Variants in BRWD1 observed in about 807,000 individuals in gnomAD.
BRWD1 encodes bromodomain and WD repeat domain containing 1, also known as bromodomain and WD repeat-containing protein 1.
A neutral mutation model predicts 251.2 loss-of-function variants in BRWD1; 82 were observed. The ratio of observed to expected loss-of-function variants is 0.33; its 90% confidence interval spans 0.27 to 0.39. BRWD1 has a LOEUF of 0.39. Ranked by LOEUF, BRWD1 falls within the 10% of genes least tolerant of loss-of-function variation. The pLI, the probability that BRWD1 is intolerant of heterozygous loss-of-function variation, is 1.00. For missense variants in BRWD1, 2,233 were observed against 2,711.6 expected (o/e 0.82, Z 3.92); for synonymous variants, 918 against 902.8 (o/e 1.02, Z -0.30).
At chr21:39,242,884 T>C (rs1000017157) in intron 21 of BRWD1, among the ~76,000 whole-genome samples, 3 of 152,242 alleles carry the variant, frequency 2.0e-5, no homozygotes, top group African/African-American at 7.2e-5. Context: ...AAGCCCACTG[T>C]TCAGACCTAC....
chr21:39,309,539 G>A (rs2036399148), intron 4 of BRWD1, among the ~76,000 whole-genome samples: 1 of 151,948 alleles, frequency 6.6e-6, no homozygotes, highest in African/African-American at 2.4e-5. Flanking sequence ...AAGACACCCA[G>A]GGAGGCCGGG....
At chr21:39,301,984 T>TC (rs1474820620) in intron 4 of BRWD1, among the ~76,000 whole-genome samples, 1 of 136,304 alleles carries the variant, frequency 7.3e-6, no homozygotes, top group Non-Finnish European at 1.6e-5. Flanking sequence ...GTGTGTTTTT[T>TC]TTTTTTTTTT....
upstream of BRWD1, chr21:39,314,236 C>G (rs1351687009): frequency 2.2e-6 from 1 of 455,636 alleles, no homozygotes; most frequent in Non-Finnish European, 4.4e-6. Context: ...GGGCGGGGGC[C>G]TCGTATGCTG....
rs796567479 is a variant in BRWD1, at chr21:39,186,117, A to T, written c.*10142T>A. ...AATTTTTAAGGTGCTGTAGAGAAACATAAAAGATTTCACTGTATCTAAAAA... is the reference window on the plus strand; with the variant it reads ...AATTTTTAAGGTGCTGTAGAGAAACTTAAAAGATTTCACTGTATCTAAAAA... On this transcript the variant is annotated 3_prime_UTR_variant, in exon 41 of 41. Transcript: ENST00000342449. The T allele has an allele frequency of 3.3e-4, 50 of 152,316 alleles. No individual in the cohort carries two copies. Among genetic ancestry groups the T allele is most frequent in the African/African-American group, 1.2e-3 (50 of 41,576 alleles). 9.4% of individuals were successfully genotyped at this position (152,316 alleles called of 1,614,324 possible).
intron 5 of BRWD1, chr21:39,297,864 A>AG: frequency 1.0e-6 from 1 of 979,960 alleles, no homozygotes; most frequent in Non-Finnish European, 1.2e-6. Context: ...ACATATACTT[A>AG]GTCTAAGTCA....
Position 39,194,935 on chromosome 21 carries a change from A to T in BRWD1, c.*1324T>A. The stretch of plus-strand genomic sequence containing the variant: ...GGGTACTGTAACATATCCCTTACCC[A>T]CTAAATATGTAAACCATTTGAATCA... On this transcript the variant is annotated 3_prime_UTR_variant, in exon 41 of 41. Coordinates refer to ENST00000342449, the MANE Select transcript of BRWD1 (RefSeq NM_033656.4). The T allele has an allele frequency of 3.4e-6, 5 of 1,480,140 alleles. No homozygotes were observed. The highest frequency in any genetic ancestry group is 4.5e-6 in the Non-Finnish European group (5 of 1,121,346). 91.7% of individuals were successfully genotyped at this position (1,480,140 alleles called of 1,614,324 possible).
Position 39,285,182 on chromosome 21 carries a change from T to C in BRWD1, c.832-4934A>G, listed in dbSNP as rs577765703. Among the ~76,000 whole-genome samples, 218 of 152,286 alleles carry C rather than the reference T, an allele frequency of 1.4e-3. 2 individuals are homozygous for C. Among genetic ancestry groups the C allele is most frequent in the Non-Finnish European group, 2.3e-3 (158 of 68,016 alleles). Reference sequence around the variant, plus strand: ...TATTCTTCCGTCGTTTGTGGTAATATGGATGAACCTAAAGGCCATTATGTT... The same window carrying C: ...TATTCTTCCGTCGTTTGTGGTAATACGGATGAACCTAAAGGCCATTATGTT... On this transcript the variant is annotated intron_variant, in intron 8 of 40. Coordinates refer to ENST00000342449, the MANE Select transcript of BRWD1 (RefSeq NM_033656.4).
chr21:39,313,410 C>T, intron 1 of BRWD1, 33 bp downstream of exon 1: 2 of 1,455,006 alleles, frequency 1.4e-6, no homozygotes, highest in Non-Finnish European at 1.8e-6. Context: ...GCCGGGAGCG[C>T]CAGGGCGGGG....
chr21:39,184,845 G>T (rs936905949), downstream of BRWD1: 9 of 152,072 alleles, frequency 5.9e-5, no homozygotes, highest in African/African-American at 2.2e-4. Context: ...AGGACTCCTG[G>T]GTTAACTGGT....
intron 1 of BRWD1, among the ~76,000 whole-genome samples, chr21:39,320,695 G>C (rs1601532923): frequency 8.5e-6 from 1 of 117,628 alleles, no homozygotes; most frequent in East Asian, 2.5e-4. Flanking sequence ...TTTTGAGACA[G>C]AATCTTGCTC....
chr21:39,251,668 C>T (rs1249863689), intron 19 of BRWD1, among the ~76,000 whole-genome samples: 1 of 152,172 alleles, frequency 6.6e-6, no homozygotes, highest in Non-Finnish European at 1.5e-5. Context: ...TACAGTAGAA[C>T]ATTATTTTAT....
At chr21:39,283,256 T>A (rs1029102697) in intron 8 of BRWD1, among the ~76,000 whole-genome samples, 1 of 152,140 alleles carries the variant, frequency 6.6e-6, no homozygotes, top group Non-Finnish European at 1.5e-5. Flanking sequence ...AACAAAATCA[T>A]TGGAATTTCA....
chr21:39,247,151 T>C (rs1460110492), intron 21 of BRWD1, among the ~76,000 whole-genome samples: 3 of 151,484 alleles, frequency 2.0e-5, no homozygotes, highest in Admixed American at 6.6e-5. Context: ...GTATCAGTGA[T>C]TGTGAGGGGC....
chr21:39,239,339 A>C (rs2033914613), intron 21 of BRWD1, among the ~76,000 whole-genome samples: 1 of 152,116 alleles, frequency 6.6e-6, no homozygotes, highest in Non-Finnish European at 1.5e-5. Flanking sequence ...CATTAAGCTT[A>C]TGATTCATTT....
intron 30 of BRWD1, 65 bp downstream of exon 30, chr21:39,218,440 T>G (rs918237539): frequency 2.7e-6 from 4 of 1,476,688 alleles, no homozygotes; most frequent in East Asian, 2.3e-5. Context: ...ATGCTAGTAT[T>G]TTTAAATACC....
intron 8 of BRWD1, among the ~76,000 whole-genome samples, chr21:39,286,690 A>G (rs1045611729): frequency 5.9e-5 from 9 of 151,506 alleles, no homozygotes; most frequent in Non-Finnish European, 8.8e-5. Context: ...AATTTTTTGT[A>G]TTTTTAATAC....
At chr21:39,200,071 GC>G in intron 39 of BRWD1, 147 bp downstream of exon 39, 3 of 830,108 alleles carry the variant, frequency 3.6e-6, no homozygotes, top group Non-Finnish European at 5.3e-6. Context: ...ACTTTTTAAT[GC>G]CAAAATTCAT....
intron 36 of BRWD1, 33 bp downstream of exon 36, chr21:39,209,962 C>G: frequency 6.3e-7 from 1 of 1,598,100 alleles, no homozygotes; most frequent in African/African-American, 1.3e-5. Flanking sequence ...ACAGATCAGG[C>G]AGTTTTTTTC....
chr21:39,190,862 T>C lies in BRWD1; in HGVS notation c.*5397A>G, dbSNP rs961115802. The C allele has an allele frequency of 2.3e-5, 23 of 985,244 alleles. No homozygotes were observed. Among genetic ancestry groups the C allele is most frequent in the Non-Finnish European group, 2.5e-5 (21 of 829,894 alleles). The allele number at this position is 985,244 out of a possible 1,614,324, so 61.0% of individuals were successfully genotyped here. On this transcript the variant is annotated 3_prime_UTR_variant, in exon 41 of 41. Transcript: ENST00000342449. Reference sequence around the variant, plus strand: ...ATGAACTAGTTCATTAGCTTATTCATTTTTAGGGTTCATTTACTCAATGAT... The same window carrying C: ...ATGAACTAGTTCATTAGCTTATTCACTTTTAGGGTTCATTTACTCAATGAT...
Sources: allele counts gnomAD v4.1 joint callset (sites outside exome capture counted in the v4.1 genomes callset), GRCh38; gene constraint gnomAD v4.1.1; transcripts MANE v1.5; gene names NCBI Gene and HGNC (gene_info 2026-07-23, HGNC 2026-07-21).